Variants in BRI3 observed in about 807,000 individuals in gnomAD.
BRI3 encodes the protein brain protein I3.
In BRI3, 6 loss-of-function variants were observed where a neutral mutation model predicts 12.8. That is an observed-to-expected ratio of 0.47 (90% CI 0.26 to 0.93). The LOEUF is 0.93. BRI3 is among the 40% of genes least tolerant of loss of function. The probability of loss-of-function intolerance (pLI) is 0.15; values close to 1 mark genes in which losing one functional copy is unlikely to be tolerated. For synonymous variants in BRI3, 91 were observed against 76.1 expected, an observed-to-expected ratio of 1.20 and a Z score of -1.02; for missense variants, 134 against 171.1, an observed-to-expected ratio of 0.78 and a Z score of 1.21.
intron 1 of BRI3, among the ~76,000 whole-genome samples, 164 bp from the exon 2 acceptor site, chr7:98,282,187 G>T (rs896078889): frequency 6.6e-6 from 1 of 152,236 alleles, no homozygotes; most frequent in East Asian, 1.9e-4. Flanking sequence ...GGCGCTCGCT[G>T]TTGGCAGATT....
chr7:98,294,718 A>C (rs1024978078), downstream of BRI3, among the ~76,000 whole-genome samples: 2 of 152,222 alleles, frequency 1.3e-5, no homozygotes, highest in Non-Finnish European at 2.9e-5. Flanking sequence ...TGACTCCTGA[A>C]GCATGACAAA....
chr7:98,310,506 G>C (rs528132030), downstream of BRI3: 15 of 1,606,728 alleles, frequency 9.3e-6, no homozygotes, highest in Admixed American at 8.6e-5. Context: ...TAAACATATC[G>C]ATCAAGGGAC....
At chr7:98,283,924 C>T (rs973282345) in intron 2 of BRI3, among the ~76,000 whole-genome samples, 4 of 152,182 alleles carry the variant, frequency 2.6e-5, no homozygotes, top group Non-Finnish European at 2.9e-5. Context: ...GGTGGTGGCG[C>T]AGTTGCTGTC....
chr7:98,321,352 T>G, the BRI3 span, among the ~76,000 whole-genome samples: 2 of 152,220 alleles, frequency 1.3e-5, no homozygotes, highest in African/African-American at 4.8e-5. Flanking sequence ...AGGCTATTTC[T>G]TTTTTCTCAC....
chr7:98,314,476 G>GT (rs1800996917), downstream of BRI3, among the ~76,000 whole-genome samples: 1 of 152,162 alleles, frequency 6.6e-6, no homozygotes, highest in Non-Finnish European at 1.5e-5. Context: ...ACCAGTGCTA[G>GT]TTTTGGATGT....
chr7:98,308,192 C>T, exon 2 of BRI3: 1 of 563,464 alleles, frequency 1.8e-6, no homozygotes, highest in Non-Finnish European at 3.4e-6. Flanking sequence ...TTGATCTGCA[C>T]TGCTTTAGCC....
chr7:98,284,059 A>C (rs1488218780), intron 2 of BRI3, among the ~76,000 whole-genome samples: 1 of 152,194 alleles, frequency 6.6e-6, no homozygotes, highest in African/African-American at 2.4e-5. Context: ...GCGGGGTCAG[A>C]CTGTGCTCTG....
chr7:98,306,461 C>T (rs1800660895), upstream of BRI3: 1 of 1,614,162 alleles, frequency 6.2e-7, no homozygotes, highest in East Asian at 2.2e-5. Flanking sequence ...ACGGTCACTG[C>T]TTCTGTCTCA....
Position 98,291,341 on chromosome 7 carries a change from T to G in BRI3, c.*98T>G, listed in dbSNP as rs1457201777. The G allele has an allele frequency of 3.9e-6, 6 of 1,551,796 alleles. No individual in the cohort carries two copies. The East Asian group carries it at 1.1e-4, about 29-fold the overall frequency. On this transcript the variant is annotated 3_prime_UTR_variant, in exon 3 of 3. Coordinates refer to ENST00000297290, the MANE Select transcript of BRI3 (RefSeq NM_015379.5). Reference sequence around the variant, plus strand: ...ATTTGATTAAGCTTCAGGACTGTTTTGTAAAGCGAGGTGGGACCGATGTGG... The same window carrying G: ...ATTTGATTAAGCTTCAGGACTGTTTGGTAAAGCGAGGTGGGACCGATGTGG...
chr7:98,312,279 GA>G (rs574734130), downstream of BRI3: 1,324 of 1,592,132 alleles, frequency 8.3e-4, 2 homozygotes, highest in Non-Finnish European at 6.6e-4. Flanking sequence ...AAAGCCAAAA[GA>G]AGAAGACTAA....
chr7:98,284,618 C>T (rs888934116), intron 2 of BRI3, among the ~76,000 whole-genome samples: 1 of 152,228 alleles, frequency 6.6e-6, no homozygotes, highest in East Asian at 1.9e-4. Flanking sequence ...CGGGCTCTGT[C>T]CCCCTCCCTG....
chr7:98,290,239 A>G (rs1324034303), intron 2 of BRI3, among the ~76,000 whole-genome samples: 1 of 124,972 alleles, frequency 8.0e-6, no homozygotes, highest in African/African-American at 3.2e-5. Context: ...CCCAGGCCGG[A>G]CTGTGGACTG....
At chr7:98,304,170 G>T, upstream of BRI3, 1 of 1,543,280 alleles carries the variant, frequency 6.5e-7, no homozygotes, top group Non-Finnish European at 8.7e-7. Flanking sequence ...CCAGGACCCA[G>T]GACGCCCTGC....
At chr7:98,306,085 A>G (rs1584431965), upstream of BRI3, among the ~76,000 whole-genome samples, 1 of 152,298 alleles carries the variant, frequency 6.6e-6, no homozygotes, top group East Asian at 1.9e-4. Context: ...GAAAAAGCAT[A>G]CAACAGCGTT....
intron 1 of BRI3, 99 bp downstream of exon 1, chr7:98,282,036 C>T (rs1799534840): frequency 7.7e-7 from 1 of 1,298,736 alleles, no homozygotes; most frequent in South Asian, 2.2e-5. Flanking sequence ...CCCGGGGGTC[C>T]TTCCTGGAGC....
At chr7:98,304,132 C>G, upstream of BRI3, 2 of 1,468,198 alleles carry the variant, frequency 1.4e-6, no homozygotes, top group Non-Finnish European at 1.8e-6. Context: ...ACCACAGGAC[C>G]TGCGCCTCCC....
downstream of BRI3, among the ~76,000 whole-genome samples, chr7:98,295,483 T>G (rs570582595): frequency 1.3e-5 from 2 of 152,308 alleles, no homozygotes; most frequent in South Asian, 4.1e-4. Context: ...TGGTGTGAGG[T>G]GCATGCTCTG....
At chr7:98,290,181 G>GTTTTTTTTTTTTTTTTTT in intron 2 of BRI3, among the ~76,000 whole-genome samples, 1 of 102,564 alleles carries the variant, frequency 9.8e-6, no homozygotes, top group Non-Finnish European at 1.8e-5. Context: ...TCTCAAGGTT[G>GTTTTTTTTTTTTTTTTTT]TTTTTTTTTT....
At chr7:98,292,456 T>TG, downstream of BRI3, 1 of 615,812 alleles carries the variant, frequency 1.6e-6, no homozygotes, top group South Asian at 2.1e-5. Flanking sequence ...TTCCCGTACC[T>TG]GGGCCGGGCT....
Sources: allele counts gnomAD v4.1 joint callset (sites outside exome capture counted in the v4.1 genomes callset), GRCh38; gene constraint gnomAD v4.1.1; transcripts MANE v1.5; gene names NCBI Gene and HGNC (gene_info 2026-07-23, HGNC 2026-07-21).